CEP57: variants seen among roughly 807,000 people sequenced by gnomAD.
CEP57 encodes centrosomal protein 57.
In CEP57, 40 loss-of-function variants were observed where a neutral mutation model predicts 68.0. That is an observed-to-expected ratio of 0.59 (90% CI 0.46 to 0.77). The LOEUF (loss-of-function observed/expected upper bound fraction) is 0.77, where lower values mean the gene tolerates loss of function less well. Among genes scored for constraint, CEP57 ranks in the 30% least tolerant of loss-of-function variants. CEP57 has a pLI of 0.00. For missense variants in CEP57, 606 were observed against 580.7 expected (o/e 1.04, Z -0.45); for synonymous variants, 219 against 198.7 (o/e 1.10, Z -0.86).
At chr11:95,826,748 A>G (rs1862760256) in intron 8 of CEP57, 1 of 152,212 alleles carries the variant, frequency 6.6e-6, no homozygotes, top group South Asian at 2.1e-4. Context: ...TTGAAAGTGT[A>G]CTCATAGGCA....
At chr11:95,803,005 C>G (rs1012566349) in intron 2 of CEP57, among the ~76,000 whole-genome samples, 1 of 152,174 alleles carries the variant, frequency 6.6e-6, no homozygotes, top group African/African-American at 2.4e-5. Flanking sequence ...TCACGCCTTG[C>G]AGAGTGCTTC....
intron 2 of CEP57, among the ~76,000 whole-genome samples, chr11:95,803,642 A>G (rs1001315119): frequency 6.8e-6 from 1 of 146,852 alleles, no homozygotes; most frequent in Non-Finnish European, 1.5e-5. Context: ...AAATAGACCC[A>G]GGTGGACTTG....
chr11:95,802,390 G>T (rs964944725), intron 2 of CEP57, among the ~76,000 whole-genome samples: 2 of 151,966 alleles, frequency 1.3e-5, no homozygotes, highest in Admixed American at 1.3e-4. Context: ...GAGTAGCTGG[G>T]ATTACAGACA....
rs1335252038 is a variant in CEP57 at position 95,813,394 on chromosome 11, A to C, written c.383-74A>C. The stretch of plus-strand genomic sequence containing the variant: ...TTTTTATTGTATACACAATAGATCC[A>C]ATTCCTGTTAACAGCTTGTTAAAAC... On this transcript the variant is annotated intron_variant, in intron 3 of 10. Coordinates refer to ENST00000325542, the MANE Select transcript of CEP57 (RefSeq NM_014679.5). 1.4e-5 allele frequency: 22 copies of C among 1,554,796 alleles called. 1 individual carries two copies. Among genetic ancestry groups the C allele is most frequent in the Non-Finnish European group, 1.9e-5 (22 of 1,142,230 alleles).
intron 1 of CEP57, 46 bp from the exon 2 acceptor site, chr11:95,799,186 T>C: frequency 6.2e-7 from 1 of 1,602,614 alleles, no homozygotes; most frequent in Non-Finnish European, 8.5e-7. Flanking sequence ...AATCTGCTAT[T>C]TGTGGTTCAC....
intron 9 of CEP57, among the ~76,000 whole-genome samples, chr11:95,828,389 G>A (rs1207411605): frequency 6.6e-6 from 1 of 152,064 alleles, no homozygotes; most frequent in Non-Finnish European, 1.5e-5. Context: ...ATAGCTTATT[G>A]CTCCTAGGCT....
chr11:95,816,939 AG>A (rs1275263945), intron 4 of CEP57, among the ~76,000 whole-genome samples: 3 of 151,474 alleles, frequency 2.0e-5, no homozygotes, highest in Non-Finnish European at 4.4e-5. Flanking sequence ...TGAACCCAGG[AG>A]GCAGAGGTTG....
chr11:95,790,835 T>A, intron 1 of CEP57, 92 bp downstream of exon 1: 1 of 1,464,138 alleles, frequency 6.8e-7, no homozygotes, highest in Non-Finnish European at 9.4e-7. Context: ...GTCCAGCTTC[T>A]GACGCAATTC....
intron 6 of CEP57, among the ~76,000 whole-genome samples, chr11:95,820,514 C>T (rs913929440): frequency 6.9e-6 from 1 of 145,950 alleles, no homozygotes; most frequent in African/African-American, 2.5e-5. Context: ...TCGCTTGAAC[C>T]TGGGAGGTGG....
Position 95,790,744 on chromosome 11 carries a change from G to T in CEP57, c.45+1G>T. Reference sequence around the variant, plus strand: ...TGCGGCTTCTGGTTCTCACTTGTCGGTAAGAAGCAGTTGGCGCGAGTGGGC... The same window carrying T: ...TGCGGCTTCTGGTTCTCACTTGTCGTTAAGAAGCAGTTGGCGCGAGTGGGC... On this transcript the variant is annotated splice_donor_variant, in intron 1 of 10. Transcript: ENST00000325542. LOFTEE classifies it high-confidence loss of function. 6.2e-7 allele frequency: 1 copy of T among 1,613,986 alleles called. No individual in the cohort carries two copies. Among genetic ancestry groups the T allele is most frequent in the Non-Finnish European group, 8.5e-7 (1 of 1,179,968 alleles).
In CEP57 at chr11:95,813,131, T is replaced by G. The variant is rs140437159; in HGVS notation, c.382+20T>G. On this transcript the variant is annotated intron_variant, in intron 3 of 10. Coordinates refer to ENST00000325542, the MANE Select transcript of CEP57 (RefSeq NM_014679.5). ...ATCAAGGTTTGTTGATGAAGAAAAT[T>G]AAAATTCTATCAAAATAAGTGTTGT... 6.7e-5 allele frequency: 108 copies of G among 1,605,364 alleles called. No homozygotes were observed. The East Asian group carries it at 2.3e-3, about 34-fold the overall frequency.
chr11:95,790,712 C>G lies in CEP57; in HGVS notation c.14C>G (p.Ser5Cys), dbSNP rs1325773831. 3 of 1,614,138 alleles carry G rather than the reference C, an allele frequency of 1.9e-6. No individual in the cohort carries two copies. Among genetic ancestry groups the G allele is most frequent in the Admixed American group, 1.7e-5 (1 of 60,030 alleles). Residue 5 changes from serine (S) to cysteine (C), a missense_variant, in exon 1 of 11, where the codon TCT (serine) becomes TGT (cysteine). By Grantham distance (112) the Ser-to-Cys change is moderately radical. Transcript: ENST00000325542. ...GCAGGCTGAAAGATGGCGGCGGCGT[C>G]TGTCTCTGCGGCTTCTGGTTCTCAC... MAAA[S>C]VSAASGSHLS...
chr11:95,823,144 T>A (rs1300639743), intron 8 of CEP57: 1 of 152,474 alleles, frequency 6.6e-6, no homozygotes, highest in Non-Finnish European at 1.5e-5. Context: ...GTGTTGCTGG[T>A]GGTTTTATAT....
intron 2 of CEP57, among the ~76,000 whole-genome samples, chr11:95,799,991 G>C (rs1429925034): frequency 1.3e-5 from 2 of 152,074 alleles, no homozygotes; most frequent in African/African-American, 4.8e-5. Context: ...TGGCTACTTT[G>C]AAATACATTT....
intron 2 of CEP57, 79 bp downstream of exon 2, chr11:95,799,467 T>C: frequency 6.4e-7 from 1 of 1,556,860 alleles, no homozygotes; most frequent in Non-Finnish European, 8.8e-7. Flanking sequence ...TCCATTATTT[T>C]GCCATTAGAG....
intron 4 of CEP57, among the ~76,000 whole-genome samples, chr11:95,816,445 A>T (rs1166409744): frequency 1.3e-5 from 2 of 152,196 alleles, no homozygotes; most frequent in Non-Finnish European, 2.9e-5. Flanking sequence ...TGCTGTGTTT[A>T]TCTAACATTT....
chr11:95,819,559 T>C (rs1458567444), intron 6 of CEP57, among the ~76,000 whole-genome samples: 1 of 152,234 alleles, frequency 6.6e-6, no homozygotes, highest in Non-Finnish European at 1.5e-5. Context: ...TTTCATGTTT[T>C]TAACTGAAGA....
intron 2 of CEP57, among the ~76,000 whole-genome samples, chr11:95,808,072 TAAAG>T (rs1205318943): frequency 2.0e-5 from 3 of 152,078 alleles, no homozygotes; most frequent in Non-Finnish European, 4.4e-5. Flanking sequence ...TCAACATTCT[TAAAG>T]AAAAGAATTT....
Position 95,821,964 on chromosome 11 carries a change from A to G in CEP57, c.793A>G (p.Lys265Glu), listed in dbSNP as rs1862536058. ...NARRIKKKKS[K>E]PPEKKSSRNY... ...AAGAAGAATTAAAAAAAAGAAGTCA[A>G]AACCACCAGAAAAGGTGTGAAGACA... Residue 265 changes from lysine to glutamate, a missense_variant, in exon 7 of 11, where the codon AAA (lysine) becomes GAA (glutamate). Transcript: ENST00000325542. 6.2e-7 allele frequency: 1 copy of G among 1,611,710 alleles called. No individual in the cohort carries two copies. Among genetic ancestry groups the G allele is most frequent in the Admixed American group, 1.7e-5 (1 of 59,956 alleles).
Sources: gnomAD v4.1 joint callset for allele counts (sites outside exome capture counted in the v4.1 genomes callset) on GRCh38, gnomAD v4.1.1 for gene constraint, MANE v1.5 for transcripts, NCBI Gene and HGNC (gene_info 2026-07-23, HGNC 2026-07-21) for gene names.